Variants in THRB observed in about 807,000 individuals in gnomAD.
The protein encoded by THRB is thyroid hormone receptor beta.
In THRB, 12 loss-of-function variants were observed where a neutral mutation model predicts 47.8. That is an observed-to-expected ratio of 0.25 (90% CI 0.16 to 0.41). The LOEUF (loss-of-function observed/expected upper bound fraction) is 0.41, where lower values mean the gene tolerates loss of function less well. Among genes scored for constraint, THRB ranks in the 10% least tolerant of loss-of-function variants. The pLI is 1.00. For missense variants in THRB, 348 were observed against 589.2 expected (o/e 0.59, Z 4.24); for synonymous variants, 218 against 212.2 (o/e 1.03, Z -0.24).
chr3:24,158,093 T>A (rs1299274758), intron 5 of THRB, among the ~76,000 whole-genome samples: 1 of 152,208 alleles, frequency 6.6e-6, no homozygotes, highest in Non-Finnish European at 1.5e-5. Context: ...GCAGAGTGTT[T>A]TTAAAAATCG....
At chr3:24,460,288 G>A (rs867066068) in intron 1 of THRB, among the ~76,000 whole-genome samples, 1 of 152,088 alleles carries the variant, frequency 6.6e-6, no homozygotes, top group African/African-American at 2.4e-5. Context: ...CTGGGTAAAT[G>A]AATCTATGGG....
chr3:24,436,135 G>T (rs922160560), intron 1 of THRB, among the ~76,000 whole-genome samples: 10 of 152,012 alleles, frequency 6.6e-5, no homozygotes, highest in African/African-American at 2.2e-4. Flanking sequence ...ACAATGTATA[G>T]TATATATCTG....
rs575785076 is a variant in THRB at position 24,405,739 on chromosome 3, A to G, written c.-260-68368T>C. Among the ~76,000 whole-genome samples the G allele has an allele frequency of 5.9e-5, 9 of 151,654 alleles. No homozygotes were observed. In the South Asian group the frequency reaches 1.9e-3, roughly 31 times the overall value. ...TTTTGCTTTTTTTTCTTCCACATGA[A>G]TTTTTAAAGTATTTTGTCACATTAC... On this transcript the variant is annotated intron_variant, in intron 1 of 10. Coordinates refer to ENST00000646209, the MANE Select transcript of THRB (RefSeq NM_001354712.2).
At chr3:24,380,239 C>T (rs538519445) in intron 1 of THRB, among the ~76,000 whole-genome samples, 1 of 151,038 alleles carries the variant, frequency 6.6e-6, no homozygotes, top group Admixed American at 6.6e-5. Flanking sequence ...CATCCTTAAA[C>T]ATAAAGTGTA....
chr3:24,392,930 A>T (rs1410244701), intron 1 of THRB, among the ~76,000 whole-genome samples: 1 of 152,154 alleles, frequency 6.6e-6, no homozygotes, highest in Non-Finnish European at 1.5e-5. Flanking sequence ...AAAGTTTTTT[A>T]AAAGGACATA....
intron 3 of THRB, among the ~76,000 whole-genome samples, chr3:24,270,787 A>C (rs1321581727): frequency 6.6e-6 from 1 of 152,160 alleles, no homozygotes; most frequent in Non-Finnish European, 1.5e-5. Flanking sequence ...ATCTTTTTGT[A>C]AAGTGGAGTG....
At chr3:24,389,513 C>G (rs769558040) in intron 1 of THRB, among the ~76,000 whole-genome samples, 1 of 152,172 alleles carries the variant, frequency 6.6e-6, no homozygotes, top group Non-Finnish European at 1.5e-5. Flanking sequence ...TTCATTTTAA[C>G]CCCCTCCTTC....
intron 1 of THRB, among the ~76,000 whole-genome samples, chr3:24,435,651 CCCACAATG>C (rs2070869713): frequency 6.6e-6 from 1 of 152,180 alleles, no homozygotes; most frequent in Non-Finnish European, 1.5e-5. Flanking sequence ...TTCCCATATT[CCCACAATG>C]CCAGAAGGCA....
Position 24,400,916 on chromosome 3 carries a change from A to T in THRB, c.-260-63545T>A, listed in dbSNP as rs150951575. Among the ~76,000 whole-genome samples the T allele has an allele frequency of 6.6e-3, 1,002 of 152,190 alleles. 11 individuals carry two copies. The highest frequency in any genetic ancestry group is 0.019 in the African/African-American group (792 of 41,568). On this transcript the variant is annotated intron_variant, in intron 1 of 10. Coordinates refer to ENST00000646209, the MANE Select transcript of THRB (RefSeq NM_001354712.2). ...ATGCTCTGTAAGTAGTAATAAGAAAAAACAAAATATTATCTGGCTTGGATA... is the reference window on the plus strand; with the variant it reads ...ATGCTCTGTAAGTAGTAATAAGAAATAACAAAATATTATCTGGCTTGGATA...
At chr3:24,435,918 G>A (rs534479110) in intron 1 of THRB, among the ~76,000 whole-genome samples, 11 of 152,248 alleles carry the variant, frequency 7.2e-5, no homozygotes, top group African/African-American at 2.4e-4. Context: ...ATTAATTGCC[G>A]CTTAAGTGAC....
chr3:24,137,387 A>T (rs1438322891), intron 8 of THRB, among the ~76,000 whole-genome samples: 4 of 152,232 alleles, frequency 2.6e-5, no homozygotes, highest in African/African-American at 9.6e-5. Flanking sequence ...TAGACAATAA[A>T]TAAGAAACAT....
upstream of THRB, chr3:24,495,417 G>T (rs1419185519): frequency 6.5e-6 from 1 of 153,282 alleles, no homozygotes; most frequent in Admixed American, 6.5e-5. Context: ...TGCCGACCCC[G>T]ACCCCGACCC....
chr3:24,477,192 G>A (rs1003176484), intron 1 of THRB, among the ~76,000 whole-genome samples: 2 of 151,538 alleles, frequency 1.3e-5, no homozygotes, highest in Non-Finnish European at 2.9e-5. Context: ...ATTTTAGTCT[G>A]TTTACTTAAA....
At chr3:24,356,976 A>T (rs1345720357) in intron 1 of THRB, among the ~76,000 whole-genome samples, 4 of 151,480 alleles carry the variant, frequency 2.6e-5, no homozygotes, top group Non-Finnish European at 4.4e-5. Context: ...AGAATAAATT[A>T]TTCTTTGGCA....
intron 1 of THRB, among the ~76,000 whole-genome samples, chr3:24,462,558 T>C (rs767860889): frequency 1.3e-5 from 2 of 152,228 alleles, no homozygotes; most frequent in South Asian, 2.1e-4. Flanking sequence ...TGGTAATACA[T>C]AGTAAAGAAA....
intron 1 of THRB, among the ~76,000 whole-genome samples, chr3:24,366,764 G>C (rs2064503747): frequency 6.6e-6 from 1 of 151,876 alleles, no homozygotes; most frequent in African/African-American, 2.4e-5. Flanking sequence ...GGGATTACAG[G>C]CACATGCCAC....
At chr3:24,220,802 G>GAA (rs10633175) in intron 4 of THRB, among the ~76,000 whole-genome samples, 29,773 of 142,804 alleles carry the variant, frequency 0.21, 3,291 homozygotes, top group Admixed American at 0.32. Context: ...TTAAACAAAA[G>GAA]AAAAAAAAAA....
chr3:24,236,141 C>T (rs949695915), intron 3 of THRB, among the ~76,000 whole-genome samples: 2 of 152,118 alleles, frequency 1.3e-5, no homozygotes, highest in Non-Finnish European at 2.9e-5. Flanking sequence ...CCTTATCCCC[C>T]TCATAGGAGG....
chr3:24,332,795 G>A (rs551733049), intron 2 of THRB, among the ~76,000 whole-genome samples: 3 of 152,294 alleles, frequency 2.0e-5, no homozygotes, highest in South Asian at 2.1e-4. Context: ...AGTGGCTCAC[G>A]CCTGTAATCT....
Sources: gnomAD v4.1 joint callset for allele counts (sites outside exome capture counted in the v4.1 genomes callset) on GRCh38, gnomAD v4.1.1 for gene constraint, MANE v1.5 for transcripts, NCBI Gene and HGNC (gene_info 2026-07-23, HGNC 2026-07-21) for gene names.